ZNF367: variants seen among roughly 807,000 people sequenced by gnomAD.
ZNF367 encodes zinc finger protein 367, also known as C2H2 zinc finger protein ZFF29.
Under a neutral mutation model 31.8 loss-of-function variants are expected in ZNF367, and 11 were observed. The ratio of observed to expected loss-of-function variants is 0.35; its 90% CI spans 0.22 to 0.57. The LOEUF is 0.57. Among genes scored for constraint, ZNF367 ranks in the 20% least tolerant of loss-of-function variants. The probability of loss-of-function intolerance (pLI) is 0.85; values close to 1 mark genes in which losing one functional copy is unlikely to be tolerated. For missense variants in ZNF367, 353 were observed against 484.1 expected (o/e 0.73, Z 2.54); for synonymous variants, 199 against 202.4 (o/e 0.98, Z 0.14).
chr9:96,414,261 G>C (rs1329470173), intron 1 of ZNF367, among the ~76,000 whole-genome samples: 1 of 152,060 alleles, frequency 6.6e-6, no homozygotes, highest in Non-Finnish European at 1.5e-5. Flanking sequence ...TGAATTTTTG[G>C]AGCTGCATGT....
chr9:96,394,693 GAAGA>G (rs1305292248), intron 3 of ZNF367, 126 bp downstream of exon 3: 4 of 905,904 alleles, frequency 4.4e-6, no homozygotes, highest in East Asian at 5.8e-5. Context: ...AATTATCAAA[GAAGA>G]AAGCTTATAA....
chr9:96,407,296 G>A (rs1282617207), intron 1 of ZNF367: 18 of 1,544,506 alleles, frequency 1.2e-5, no homozygotes, highest in Non-Finnish European at 1.6e-5. Context: ...GCCACAGAAC[G>A]AATATATTGA....
At chr9:96,390,032 C>A (rs938423315) in intron 4 of ZNF367, among the ~76,000 whole-genome samples, 1 of 151,442 alleles carries the variant, frequency 6.6e-6, no homozygotes, top group African/African-American at 2.4e-5. Flanking sequence ...CCTGCCTAGG[C>A]CTCCCAAAGT....
chr9:96,408,991 G>A (rs1029184085), intron 1 of ZNF367, among the ~76,000 whole-genome samples: 2 of 152,116 alleles, frequency 1.3e-5, no homozygotes, highest in African/African-American at 4.8e-5. Context: ...AACGTGTCTG[G>A]GTCATAAAGA....
chr9:96,396,526 G>A (rs1327246464), intron 2 of ZNF367, among the ~76,000 whole-genome samples: 1 of 152,024 alleles, frequency 6.6e-6, no homozygotes, highest in Non-Finnish European at 1.5e-5. Context: ...GTGAGAAACA[G>A]GTGAGCACCA....
At chr9:96,416,116 C>G (rs1197288048) in intron 1 of ZNF367, among the ~76,000 whole-genome samples, 1 of 109,780 alleles carries the variant, frequency 9.1e-6, no homozygotes, top group Non-Finnish European at 1.7e-5. Context: ...GAGACGGATT[C>G]TCGCTCTTTT....
rs1341841858 is a variant in ZNF367, at chr9:96,407,900, C to G, written c.421-9586G>C. On this transcript the variant is annotated intron_variant, in intron 1 of 4. Coordinates refer to ENST00000375256, the MANE Select transcript of ZNF367 (RefSeq NM_153695.4). ...GAATTACAGGCATGAGCCACCGCGC[C>G]CGGCCAACGTGAGTAATTTTTAATA... The G allele has an allele frequency of 2.7e-5, 11 of 414,840 alleles. No homozygotes were observed. The East Asian group carries it at 4.2e-4, about 16-fold the overall frequency. 25.7% of individuals were successfully genotyped at this position (414,840 alleles called of 1,614,324 possible).
At chr9:96,413,867 A>T (rs1831783533) in intron 1 of ZNF367, among the ~76,000 whole-genome samples, 1 of 152,164 alleles carries the variant, frequency 6.6e-6, no homozygotes, top group Admixed American at 6.6e-5. Context: ...AGTGGCAAAG[A>T]ATAGACAGTA....
In ZNF367 at chr9:96,418,044, AC is replaced by A; in HGVS notation, c.-13del. 7.4e-7 allele frequency: 1 copy of A among 1,352,464 alleles called. No homozygotes were observed. Among genetic ancestry groups the A allele is most frequent in the Admixed American group, 3.9e-5 (1 of 25,692 alleles). The allele number at this position is 1,352,464 out of a possible 1,614,324, so 83.8% of individuals were successfully genotyped here. ...AAGCCCCGGATCATCGCCCGGCCCG[AC>A]CCCCAGCTCCGGCGGCCCCGGGCCG... On this transcript the variant is annotated 5_prime_UTR_variant, in exon 1 of 5. Coordinates refer to ENST00000375256, the MANE Select transcript of ZNF367 (RefSeq NM_153695.4).
rs138215318 is a variant in ZNF367, at chr9:96,396,284, G to A, written c.572-1342C>T. Among the ~76,000 whole-genome samples the A allele has an allele frequency of 4.9e-3, 744 of 151,968 alleles. 5 individuals are homozygous for A. The highest frequency in any genetic ancestry group is 6.3e-3 in the Non-Finnish European group (429 of 67,978). ...CGGCCTACAAACCAGTTATCCAGGG[G>A]ATATTTTAGAATATTTAGATTGAAA... On this transcript the variant is annotated intron_variant, in intron 2 of 4. Transcript: ENST00000375256.
intron 1 of ZNF367, 102 bp from the exon 2 acceptor site, chr9:96,398,416 C>T (rs530967190): frequency 2.4e-5 from 25 of 1,048,634 alleles, no homozygotes; most frequent in Admixed American, 4.9e-5. Flanking sequence ...GGGAGCTGGG[C>T]GCAGCGGCAC....
chr9:96,407,504 CCAAA>C, intron 1 of ZNF367: 2 of 1,282,596 alleles, frequency 1.6e-6, no homozygotes, highest in South Asian at 2.4e-5. Flanking sequence ...AAGAAAAACA[CCAAA>C]CAAAAGAATG....
At chr9:96,401,638 CAAGA>C (rs1481558792) in intron 1 of ZNF367, among the ~76,000 whole-genome samples, 3 of 117,178 alleles carry the variant, frequency 2.6e-5, no homozygotes, top group Admixed American at 1.1e-4. Flanking sequence ...GCCTGGGCAA[CAAGA>C]GCGAAGCTCC....
At chr9:96,413,063 G>T (rs144736709) in intron 1 of ZNF367, among the ~76,000 whole-genome samples, 3,722 of 152,192 alleles carry the variant, frequency 0.024, 78 homozygotes, top group Non-Finnish European at 0.035. Context: ...ATAAACCCCT[G>T]AAGTCTATTT....
At chr9:96,392,151 ACT>A (rs1234740847) in intron 4 of ZNF367, among the ~76,000 whole-genome samples, 1 of 152,006 alleles carries the variant, frequency 6.6e-6, no homozygotes, top group African/African-American at 2.4e-5. Flanking sequence ...AAATAGGAAA[ACT>A]CTTCCTTTTA....
intron 2 of ZNF367, among the ~76,000 whole-genome samples, chr9:96,396,496 A>C (rs1831531336): frequency 1.3e-5 from 2 of 152,222 alleles, no homozygotes; most frequent in Admixed American, 1.3e-4. Context: ...ATATTTTCAA[A>C]AACCACAAGT....
chr9:96,404,199 G>C (rs111410124), intron 1 of ZNF367, among the ~76,000 whole-genome samples: 4 of 150,374 alleles, frequency 2.7e-5, no homozygotes, highest in Non-Finnish European at 5.9e-5. Context: ...GGTGGCTCAC[G>C]CCTGTAATCC....
chr9:96,392,576 T>A, intron 3 of ZNF367, 40 bp from the exon 4 acceptor site: 1 of 1,561,668 alleles, frequency 6.4e-7, no homozygotes, highest in Non-Finnish European at 8.7e-7. Context: ...GATCTGGACA[T>A]CCAGCACATA....
At chr9:96,392,027 A>C (rs1831478359) in intron 4 of ZNF367, among the ~76,000 whole-genome samples, 1 of 152,118 alleles carries the variant, frequency 6.6e-6, no homozygotes. Context: ...CGATCCACCC[A>C]CCTCGGCTGT....
Sources: gnomAD v4.1 joint callset for allele counts (sites outside exome capture counted in the v4.1 genomes callset) on GRCh38, gnomAD v4.1.1 for gene constraint, MANE v1.5 for transcripts, NCBI Gene and HGNC (gene_info 2026-07-23, HGNC 2026-07-21) for gene names.